The following ANKRD17 variants were observed in gnomAD, a reference collection of about 807,000 sequenced individuals.
ANKRD17 encodes the protein ankyrin repeat domain 17.
ANKRD17 carries 19 observed loss-of-function variants against 229.7 expected under a neutral mutation model. The observed-to-expected ratio is 0.08, with a 90% CI of 0.06 to 0.12. The LOEUF is 0.12. Among genes scored for constraint, ANKRD17 ranks in the 10% least tolerant of loss-of-function variants. The pLI is 1.00. For synonymous variants in ANKRD17, 1,112 were observed against 1,146.1 expected, an observed-to-expected ratio of 0.97 and a Z score of 0.60; for missense variants, 2,176 against 3,176.8, an observed-to-expected ratio of 0.68 and a Z score of 7.57.
intron 12 of ANKRD17, 85 bp from the exon 13 acceptor site, chr4:73,142,470 G>T: frequency 6.4e-7 from 1 of 1,569,540 alleles, no homozygotes; most frequent in Non-Finnish European, 8.6e-7. Flanking sequence ...AAGCCAACAG[G>T]TCCCAGACGC....
chr4:73,112,814 G>A, intron 24 of ANKRD17: 1 of 599,124 alleles, frequency 1.7e-6, no homozygotes, highest in Non-Finnish European at 2.1e-6. Flanking sequence ...TTGAGACGGA[G>A]TCTCACTCTG....
intron 30 of ANKRD17, among the ~76,000 whole-genome samples, chr4:73,080,358 T>C (rs575629654): frequency 6.6e-6 from 1 of 151,956 alleles, no homozygotes; most frequent in East Asian, 1.9e-4. Flanking sequence ...GAAAATGATA[T>C]GAAGGAACAG....
Position 73,135,278 on chromosome 4 carries a change from A to G in ANKRD17, c.3086-13T>C, listed in dbSNP as rs1387624618. The G allele has an allele frequency of 6.2e-7, 1 of 1,604,056 alleles. No individual in the cohort carries two copies. The highest frequency in any genetic ancestry group is 2.2e-5 in the East Asian group (1 of 44,546). The stretch of plus-strand genomic sequence containing the variant: ...CTTCCACTGACTGCTGTTGAACAAA[A>G]TAACTGCACTTAATAAGGATGAAAC... On this transcript the variant is annotated splice_polypyrimidine_tract_variant and intron_variant, in intron 15 of 33. Transcript: ENST00000358602.
chr4:73,132,022 C>A (rs996933576), intron 16 of ANKRD17, among the ~76,000 whole-genome samples: 17 of 151,916 alleles, frequency 1.1e-4, no homozygotes, highest in African/African-American at 3.6e-4. Context: ...CTTATCAAAA[C>A]AAAAACTTTG....
At chr4:73,132,473 T>C (rs1297611344) in intron 16 of ANKRD17, among the ~76,000 whole-genome samples, 1 of 152,146 alleles carries the variant, frequency 6.6e-6, no homozygotes, top group Non-Finnish European at 1.5e-5. Context: ...ACAATTATTT[T>C]TGAACAGTAT....
At chr4:73,142,158 A>C (rs533519547) in intron 13 of ANKRD17, 84 bp downstream of exon 13, 333 of 1,372,332 alleles carry the variant, frequency 2.4e-4, no homozygotes, top group African/African-American at 5.8e-4. Flanking sequence ...ACAAAAAAAA[A>C]CCCTAATTTA....
At chr4:73,081,958 C>A (rs111507376) in intron 30 of ANKRD17, among the ~76,000 whole-genome samples, 112 of 151,970 alleles carry the variant, frequency 7.4e-4, no homozygotes, top group African/African-American at 2.5e-3. Flanking sequence ...TCAGGCTGGG[C>A]AACGTGGTAA....
intron 22 of ANKRD17, among the ~76,000 whole-genome samples, chr4:73,116,342 CAA>C (rs991178252): frequency 2.6e-5 from 4 of 151,988 alleles, no homozygotes; most frequent in African/African-American, 9.7e-5. Flanking sequence ...AGATAAAAAA[CAA>C]ATGTATAATA....
At chr4:73,146,502 C>A (rs926700773) in intron 10 of ANKRD17, among the ~76,000 whole-genome samples, 6 of 151,830 alleles carry the variant, frequency 4.0e-5, no homozygotes, top group African/African-American at 1.5e-4. Context: ...AAGGGAAAAC[C>A]AGTCTGCATT....
At chr4:73,155,414 G>T (rs12512671) in intron 5 of ANKRD17, among the ~76,000 whole-genome samples, 19,498 of 152,144 alleles carry the variant, frequency 0.13, 1,665 homozygotes, top group East Asian at 0.27. Context: ...TTATCTTAAA[G>T]AATCTTAAAA....
intron 1 of ANKRD17, among the ~76,000 whole-genome samples, chr4:73,209,839 T>A (rs1225319871): frequency 6.6e-6 from 1 of 151,946 alleles, no homozygotes; most frequent in African/African-American, 2.4e-5. Flanking sequence ...CAGTGGAAAA[T>A]CACAGGATCA....
intron 1 of ANKRD17, among the ~76,000 whole-genome samples, chr4:73,232,607 T>C (rs570231176): frequency 3.0e-4 from 46 of 152,268 alleles, no homozygotes; most frequent in African/African-American, 1.1e-3. Flanking sequence ...AATTAATCCC[T>C]GTGTCTTCTA....
At chr4:73,100,466 A>C (rs1192164539) in intron 25 of ANKRD17, among the ~76,000 whole-genome samples, 3 of 151,988 alleles carry the variant, frequency 2.0e-5, no homozygotes, top group African/African-American at 4.8e-5. Context: ...ATAAAAAAAA[A>C]AAACATATAT....
intron 1 of ANKRD17, among the ~76,000 whole-genome samples, chr4:73,248,386 A>G (rs934863406): frequency 5.9e-5 from 9 of 152,042 alleles, no homozygotes; most frequent in Non-Finnish European, 1.2e-4. Flanking sequence ...AGATGCCCCA[A>G]AAAAGTATAG....
intron 30 of ANKRD17, among the ~76,000 whole-genome samples, chr4:73,081,471 A>G (rs1360940065): frequency 6.6e-6 from 1 of 152,198 alleles, no homozygotes; most frequent in African/African-American, 2.4e-5. Context: ...ATGGGCCTAT[A>G]TTCCTTTTCA....
intron 1 of ANKRD17, among the ~76,000 whole-genome samples, chr4:73,225,824 T>C (rs1275455946): frequency 8.8e-6 from 1 of 113,180 alleles, no homozygotes; most frequent in Non-Finnish European, 1.6e-5. Flanking sequence ...ATCACGCCAC[T>C]GCACTCCAGC....
chr4:73,125,598 T>C (rs1266713538), intron 16 of ANKRD17, among the ~76,000 whole-genome samples: 1 of 151,808 alleles, frequency 6.6e-6, no homozygotes, highest in East Asian at 1.9e-4. Flanking sequence ...CCGGGTGTGG[T>C]GGTGCGTGCC....
At chr4:73,245,830 AAG>A (rs1332553167) in intron 1 of ANKRD17, among the ~76,000 whole-genome samples, 3 of 152,180 alleles carry the variant, frequency 2.0e-5, no homozygotes, top group Non-Finnish European at 1.5e-5. Context: ...ACTTAGGACT[AAG>A]AGATATTTTG....
At chr4:73,080,089 G>C (rs975056727) in intron 30 of ANKRD17, among the ~76,000 whole-genome samples, 2 of 152,124 alleles carry the variant, frequency 1.3e-5, no homozygotes, top group East Asian at 3.9e-4. Flanking sequence ...CTGGGTGACA[G>C]AGCAAGATGA....
Sources: allele counts gnomAD v4.1 joint callset (sites outside exome capture counted in the v4.1 genomes callset), GRCh38; gene constraint gnomAD v4.1.1; transcripts MANE v1.5; gene names NCBI Gene and HGNC (gene_info 2026-07-23, HGNC 2026-07-21).